Variants in KIF5B observed in about 807,000 individuals in gnomAD.
KIF5B encodes kinesin family member 5B, also known as kinesin-1 heavy chain.
KIF5B carries 49 observed loss-of-function variants against 132.8 expected under a neutral mutation model. The ratio of observed to expected loss-of-function variants is 0.37; its 90% CI spans 0.29 to 0.47. The LOEUF is 0.47. KIF5B is among the 20% of genes least tolerant of loss of function. The probability of loss-of-function intolerance (pLI) is 1.00; values close to 1 mark genes in which losing one functional copy is unlikely to be tolerated. For synonymous variants in KIF5B, 355 were observed against 369.4 expected (o/e 0.96, Z 0.45); for missense variants, 780 against 1,144.0 (o/e 0.68, Z 4.59).
At chr10:32,023,571 G>C (rs1375266384) in intron 15 of KIF5B, among the ~76,000 whole-genome samples, 1 of 146,520 alleles carries the variant, frequency 6.8e-6, no homozygotes, top group Non-Finnish European at 1.5e-5. Context: ...ACCCTGAATA[G>C]CTAGCACAAC....
Position 32,009,738 on chromosome 10 carries a change from G to A in KIF5B, c.*1799C>T, listed in dbSNP as rs1191840704. 6.6e-6 allele frequency: 1 copy of A among 152,188 alleles called. No homozygotes were observed. Among genetic ancestry groups the A allele is most frequent in the Admixed American group, 6.5e-5 (1 of 15,282 alleles). The allele number at this position is 152,188 out of a possible 1,614,324, so 9.4% of individuals were successfully genotyped here. ...CTGAAAACAAAACATAAAGGTCTAT[G>A]TGGATGCAGCCAAATGTTTCTCCAT... On this transcript the variant is annotated 3_prime_UTR_variant, in exon 26 of 26. Transcript: ENST00000302418.
At position 32,011,409 on chromosome 10, in the gene KIF5B, A is replaced by T. The variant is rs565679178; in HGVS notation, c.*128T>A. 1 of 152,480 alleles carries T rather than the reference A, an allele frequency of 6.6e-6. No individual in the cohort carries two copies. The highest frequency in any genetic ancestry group is 1.9e-4 in the East Asian group (1 of 5,198). The allele number at this position is 152,480 out of a possible 1,614,324, so 9.4% of individuals were successfully genotyped here. A position where few individuals can be genotyped will look rare whatever the true frequency, so the allele number is the denominator to read the frequency against. On this transcript the variant is annotated 3_prime_UTR_variant, in exon 26 of 26. Coordinates refer to ENST00000302418, the MANE Select transcript of KIF5B (RefSeq NM_004521.3). ...TGTACAGGCCAGGTATAATTTATAC[A>T]TTTTTTTTAAAAGTTATAATTCTAC...
chr10:32,020,463 C>T (rs575223924), intron 19 of KIF5B, among the ~76,000 whole-genome samples: 3 of 152,226 alleles, frequency 2.0e-5, no homozygotes, highest in Admixed American at 1.3e-4. Flanking sequence ...GGGTCTCGCT[C>T]TGTCACCCAG....
At chr10:32,015,404 TAAA>T in intron 25 of KIF5B, 102 bp downstream of exon 25, 1 of 829,914 alleles carries the variant, frequency 1.2e-6, no homozygotes, top group Non-Finnish European at 1.9e-6. Flanking sequence ...ATGCTTAAGT[TAAA>T]AAAATCATAA....
intron 2 of KIF5B, among the ~76,000 whole-genome samples, chr10:32,046,089 G>A (rs990413119): frequency 6.6e-6 from 1 of 151,978 alleles, no homozygotes; most frequent in African/African-American, 2.4e-5. Context: ...ATGATTAAGA[G>A]CTAAAATGAA....
Position 32,031,081 on chromosome 10 carries a change from GATTCA to G in KIF5B, c.1568_1572del (p.Leu523SerfsTer12). The G allele has an allele frequency of 6.2e-7, 1 of 1,608,112 alleles. No homozygotes were observed. Among genetic ancestry groups the G allele is most frequent in the Non-Finnish European group, 8.5e-7 (1 of 1,175,238 alleles). Reference sequence around the variant, plus strand: ...ATAAAACTATATCCTACCGATTTCTGATTCAATTCATCACTAAGCAATTCATATTC... The same window carrying G: ...ATAAAACTATATCCTACCGATTTCTGATTCATCACTAAGCAATTCATATTC... On this transcript the variant is annotated frameshift_variant, in exon 14 of 26. Coordinates refer to ENST00000302418, the MANE Select transcript of KIF5B (RefSeq NM_004521.3). LOFTEE classifies it high-confidence loss of function.
At chr10:32,051,202 G>A (rs1192654260) in intron 1 of KIF5B, among the ~76,000 whole-genome samples, 1 of 152,156 alleles carries the variant, frequency 6.6e-6, no homozygotes, top group Non-Finnish European at 1.5e-5. Flanking sequence ...GGGACCACAG[G>A]CATGTGCCAC....
At chr10:32,049,695 C>T (rs1292005381) in intron 1 of KIF5B, among the ~76,000 whole-genome samples, 1 of 151,568 alleles carries the variant, frequency 6.6e-6, no homozygotes. Context: ...CTCAGAGAAC[C>T]ACTAATATAG....
intron 20 of KIF5B, 106 bp downstream of exon 20, chr10:32,019,752 C>T: frequency 1.5e-6 from 1 of 668,918 alleles, no homozygotes; most frequent in Non-Finnish European, 2.5e-6. Flanking sequence ...AATCCTTTAG[C>T]CCATACAAAG....
Position 32,011,034 on chromosome 10 carries a change from T to TG in KIF5B, c.*502dup, listed in dbSNP as rs974515698. 1 of 152,048 alleles carries TG rather than the reference T, an allele frequency of 6.6e-6. No individual in the cohort carries two copies. The highest frequency in any genetic ancestry group is 2.4e-5 in the African/African-American group (1 of 41,432). 9.4% of individuals were successfully genotyped at this position (152,048 alleles called of 1,614,324 possible). ...CTGGATATATTTTATGGGCATGTAGTGTTGTTAAGTGGTAAAATTTAAAGA... is the reference window on the plus strand; with the variant it reads ...CTGGATATATTTTATGGGCATGTAGTGGTTGTTAAGTGGTAAAATTTAAAGA... On this transcript the variant is annotated 3_prime_UTR_variant, in exon 26 of 26. Coordinates refer to ENST00000302418, the MANE Select transcript of KIF5B (RefSeq NM_004521.3).
intron 14 of KIF5B, among the ~76,000 whole-genome samples, chr10:32,029,741 T>C (rs1841378310): frequency 6.6e-6 from 1 of 152,144 alleles, no homozygotes; most frequent in African/African-American, 2.4e-5. Flanking sequence ...GAAACATAAA[T>C]ATAACTGTCT....
chr10:32,024,064 C>CA (rs371018606), intron 15 of KIF5B, among the ~76,000 whole-genome samples: 43,007 of 99,042 alleles, frequency 0.43, 9,763 homozygotes, highest in East Asian at 0.54. Flanking sequence ...AAAAAAAAAA[C>CA]AAAAAAAAAA....
intron 15 of KIF5B, among the ~76,000 whole-genome samples, chr10:32,025,104 A>G (rs1026645779): frequency 1.3e-5 from 2 of 152,206 alleles, no homozygotes; most frequent in African/African-American, 4.8e-5. Context: ...CAACAATAAG[A>G]AAAAACACAA....
intron 1 of KIF5B, among the ~76,000 whole-genome samples, chr10:32,049,388 T>C (rs1841658372): frequency 6.6e-6 from 1 of 152,016 alleles, no homozygotes; most frequent in South Asian, 2.1e-4. Context: ...GAAAGAATAT[T>C]TAAGAACTGA....
intron 15 of KIF5B, among the ~76,000 whole-genome samples, chr10:32,023,961 T>C (rs1841298407): frequency 6.8e-6 from 1 of 146,772 alleles, no homozygotes; most frequent in Admixed American, 6.9e-5. Flanking sequence ...TTAAATACAA[T>C]ACCAAAAACA....
Position 32,035,956 on chromosome 10 carries a change from T to C in KIF5B, c.750A>G (p.Glu250=), listed in dbSNP as rs1841455540. Reference sequence around the variant, plus strand: ...AAAGTGACTTGTTGATGTTTTTAGCTTCATCCAGCACAGCACCTTCAGCTC... The same window carrying C: ...AAAGTGACTTGTTGATGTTTTTAGCCTCATCCAGCACAGCACCTTCAGCTC... The part of the protein sequence containing the change: ...KTGAEGAVLD[E]AKNINKSLSA... The change falls in exon 9 of 26, where the codon GAA becomes GAG. Residue 250 remains glutamate (E), a synonymous_variant. Transcript: ENST00000302418. The C allele has an allele frequency of 6.2e-7, 1 of 1,613,138 alleles. No homozygotes were observed. The highest frequency in any genetic ancestry group is 8.5e-7 in the Non-Finnish European group (1 of 1,179,542).
chr10:32,018,294 T>C (rs755669554), intron 22 of KIF5B, 22 bp downstream of exon 22: 3 of 1,494,548 alleles, frequency 2.0e-6, no homozygotes, highest in Admixed American at 2.3e-5. Flanking sequence ...TGCAAACGCC[T>C]ACCTCGGCAT....
chr10:32,033,033 AT>A (rs1841420767), intron 12 of KIF5B, among the ~76,000 whole-genome samples: 1 of 152,088 alleles, frequency 6.6e-6, no homozygotes, highest in African/African-American at 2.4e-5. Context: ...TTAAGAAAAT[AT>A]TTTCTTCTAA....
intron 9 of KIF5B, 51 bp downstream of exon 9, chr10:32,035,839 T>G: frequency 6.9e-7 from 1 of 1,447,802 alleles, no homozygotes; most frequent in Middle Eastern, 1.8e-4. Context: ...ACACCTATAT[T>G]TAAATAATGC....
Sources: gnomAD v4.1 joint callset for allele counts (sites outside exome capture counted in the v4.1 genomes callset) on GRCh38, gnomAD v4.1.1 for gene constraint, MANE v1.5 for transcripts, NCBI Gene and HGNC (gene_info 2026-07-23, HGNC 2026-07-21) for gene names.